The following APOH variants were observed in gnomAD, a reference collection of about 807,000 sequenced individuals.
The protein encoded by APOH is apolipoprotein H.
Under a neutral mutation model 39.8 loss-of-function variants are expected in APOH, and 48 were observed. That is an observed-to-expected ratio of 1.21 (90% CI 0.96 to 1.54). APOH has a LOEUF of 1.54. Ranked by LOEUF, APOH falls within the 40% of genes most tolerant of loss-of-function variation. The probability of loss-of-function intolerance (pLI) is 0.00; values close to 1 mark genes in which losing one functional copy is unlikely to be tolerated. For missense variants in APOH, 415 were observed against 421.2 expected, an observed-to-expected ratio of 0.99 and a Z score of 0.13; for synonymous variants, 153 against 151.1, an observed-to-expected ratio of 1.01 and a Z score of -0.09.
chr17:66,219,195 T>C lies in APOH; in HGVS notation c.604+1359A>G, dbSNP rs2073382964. ...TATCGTTGTTGTTATGTTATTAGAA[T>C]GGTTTGGATTATTATTGTTAATAAT... On this transcript the variant is annotated intron_variant, in intron 5 of 7. Transcript: ENST00000205948. Among the ~76,000 whole-genome samples, 2 of 152,144 alleles carry C rather than the reference T, an allele frequency of 1.3e-5. 1 individual carries two copies. Among genetic ancestry groups the C allele is most frequent in the South Asian group, 4.1e-4 (2 of 4,824 alleles).
chr17:66,217,353 C>CCG (rs905390472), intron 5 of APOH, among the ~76,000 whole-genome samples: 1 of 145,182 alleles, frequency 6.9e-6, no homozygotes, highest in Non-Finnish European at 1.5e-5. Context: ...AACCCCCCCC[C>CCG]CCATTCACAC....
chr17:66,217,068 T>A (rs2073370208), intron 5 of APOH, 101 bp from the exon 6 acceptor site: 1 of 984,574 alleles, frequency 1.0e-6, no homozygotes, highest in African/African-American at 1.7e-5. Flanking sequence ...TGAATCACTG[T>A]GTGTTCCTGT....
Position 66,223,737 on chromosome 17 carries a change from C to T in APOH, c.376G>A (p.Glu126Lys). 1.2e-6 allele frequency: 2 copies of T among 1,614,224 alleles called. No homozygotes were observed. The highest frequency in any genetic ancestry group is 1.7e-6 in the Non-Finnish European group (2 of 1,180,042). The change falls in exon 4 of 8, where the codon GAG (glutamate) becomes AAG (lysine). Residue 126 changes from glutamate to lysine, a missense_variant. Glu to Lys is a moderately conservative substitution (Grantham distance 56). Around this residue, in one of 3 missense-constraint regions of APOH, gnomAD observed 288 missense variants for 284.9 expected, o/e 1.01. Transcript: ENST00000205948. ...LNGADSAKCT[E>K]EGKWSPELPV... ...AGCTCCGGGCTCCATTTTCCTTCCT[C>T]AGTGCACTTGGCAGAATCAGCGCCA...
chr17:66,223,740 T>C lies in APOH; in HGVS notation c.373A>G (p.Thr125Ala), dbSNP rs2073417583. 1 of 1,614,184 alleles carries C rather than the reference T, an allele frequency of 6.2e-7. No individual in the cohort carries two copies. The highest frequency in any genetic ancestry group is 8.5e-7 in the Non-Finnish European group (1 of 1,180,016). ...TCCGGGCTCCATTTTCCTTCCTCAG[T>C]GCACTTGGCAGAATCAGCGCCATTC... ...YLNGADSAKC[T>A]EEGKWSPELP... Residue 125 changes from threonine (T) to alanine (A), a missense_variant, in exon 4 of 8, where the codon ACT becomes GCT. Thr to Ala is a moderately conservative substitution (Grantham distance 58). This residue lies in a region of APOH where 288 missense variants were observed against 284.9 expected (regional missense o/e 1.01). Transcript: ENST00000205948.
chr17:66,215,721 T>C (rs1363416546), intron 6 of APOH, among the ~76,000 whole-genome samples: 1 of 152,078 alleles, frequency 6.6e-6, no homozygotes, highest in Non-Finnish European at 1.5e-5. Context: ...GACACCTAAC[T>C]CAAAAGGAAC....
intron 7 of APOH, among the ~76,000 whole-genome samples, chr17:66,213,629 G>A (rs1436677588): frequency 6.6e-6 from 1 of 152,120 alleles, no homozygotes; most frequent in Non-Finnish European, 1.5e-5. Context: ...CCACAACCCT[G>A]AGTTTTACAG....
intron 1 of APOH, chr17:66,228,745 G>T (rs944961600): frequency 2.0e-5 from 3 of 149,998 alleles, no homozygotes; most frequent in African/African-American, 7.4e-5. Flanking sequence ...AGCTTGCAGT[G>T]AGCCGAGATC....
intron 1 of APOH, among the ~76,000 whole-genome samples, chr17:66,228,812 A>C (rs2073455603): frequency 6.6e-6 from 1 of 151,576 alleles, no homozygotes; most frequent in Non-Finnish European, 1.5e-5. Context: ...AAAAAAAAAA[A>C]AAGAATTTAA....
rs1305680952 is a variant in APOH at position 66,214,590 on chromosome 17, A to G, written c.845T>C (p.Ile282Thr). 2.5e-6 allele frequency: 4 copies of G among 1,613,868 alleles called. No individual in the cohort carries two copies. The highest frequency in any genetic ancestry group is 3.3e-5 in the Admixed American group (2 of 59,970). Residue 282 changes from isoleucine (I) to threonine (T), a missense_variant, in exon 7 of 8, where the codon ATT (isoleucine) becomes ACT (threonine). Physicochemically the swap from Ile to Thr is moderately conservative, Grantham distance 89 (BLOSUM62 -1). This residue lies in a region of APOH where 120 missense variants were observed against 110.6 expected (regional missense o/e 1.08). Coordinates refer to ENST00000205948, the MANE Select transcript of APOH (RefSeq NM_000042.3). ...CATTCCATTCTTAAATTTTTCCTGAATCTTTACTCTCTCTCCTTGGTACAC... is the reference window on the plus strand; with the variant it reads ...CATTCCATTCTTAAATTTTTCCTGAGTCTTTACTCTCTCTCCTTGGTACAC... ...TVVYQGERVK[I>T]QEKFKNGMLH...
At chr17:66,223,823 G>A (rs773707789) in intron 3 of APOH, 49 bp from the exon 4 acceptor site, 12 of 1,492,874 alleles carry the variant, frequency 8.0e-6, no homozygotes, top group African/African-American at 6.9e-5. Flanking sequence ...ATCCATCACT[G>A]ACATCTCAAA....
At chr17:66,223,503 T>C (rs1379125199) in intron 4 of APOH, among the ~76,000 whole-genome samples, 195 bp downstream of exon 4, 3 of 152,150 alleles carry the variant, frequency 2.0e-5, no homozygotes, top group East Asian at 1.9e-4. Context: ...TGTCCGTGAG[T>C]AAAATGCTTC....
chr17:66,224,771 AG>A (rs1238652425), intron 3 of APOH, among the ~76,000 whole-genome samples: 1 of 149,748 alleles, frequency 6.7e-6, no homozygotes, highest in African/African-American at 2.5e-5. Flanking sequence ...AGGAAAGGAA[AG>A]GAAAGGAAAG....
At chr17:66,219,599 T>C (rs1358342560) in intron 5 of APOH, among the ~76,000 whole-genome samples, 1 of 152,188 alleles carries the variant, frequency 6.6e-6, no homozygotes, top group Admixed American at 6.5e-5. Context: ...CTGTAATATC[T>C]ACCACTGGAG....
At position 66,228,038 on chromosome 17, in the gene APOH, T is replaced by C. The variant is rs752710676; in HGVS notation, c.223A>G (p.Asn75Asp). 4 of 1,613,906 alleles carry C rather than the reference T, an allele frequency of 2.5e-6. 1 individual carries two copies. The South Asian group carries it at 4.4e-5, about 18-fold the overall frequency. ...GACTTACGTGTACATTTCAGAGTGTTGATGGGCCACAGTCCTGTGAGAGGG... is the reference window on the plus strand; with the variant it reads ...GACTTACGTGTACATTTCAGAGTGTCGATGGGCCACAGTCCTGTGAGAGGG... ...ICPLTGLWPI[N>D]TLKCTPRVCP... The change falls in exon 2 of 8, where the codon AAC becomes GAC. Residue 75 changes from asparagine (N) to aspartate (D), a missense_variant. Physicochemically the swap from Asn to Asp is conservative, Grantham distance 23 (BLOSUM62 1). This residue lies in a region of APOH where 288 missense variants were observed against 284.9 expected (regional missense o/e 1.01). Transcript: ENST00000205948.
At chr17:66,213,251 C>T (rs1425410211) in intron 7 of APOH, among the ~76,000 whole-genome samples, 1 of 152,240 alleles carries the variant, frequency 6.6e-6, no homozygotes, top group Non-Finnish European at 1.5e-5. Flanking sequence ...TACTTTCTGG[C>T]ATCAGAGACA....
At chr17:66,212,943 C>T (rs1415604978) in intron 7 of APOH, among the ~76,000 whole-genome samples, 2 of 152,162 alleles carry the variant, frequency 1.3e-5, no homozygotes, top group African/African-American at 4.8e-5. Context: ...CTCACCAGGG[C>T]TCTGCTGTCT....
At chr17:66,225,893 A>G in intron 3 of APOH, 135 bp downstream of exon 3, 1 of 540,958 alleles carries the variant, frequency 1.8e-6, no homozygotes, top group Non-Finnish European at 3.2e-6. Context: ...AAAAAAAAGC[A>G]GGACTAAAAT....
chr17:66,213,885 A>T (rs1363344089), intron 7 of APOH, among the ~76,000 whole-genome samples: 3 of 151,910 alleles, frequency 2.0e-5, no homozygotes, highest in East Asian at 3.9e-4. Flanking sequence ...CTGCAATGAG[A>T]TGTGATCGCA....
At position 66,217,002 on chromosome 17, in the gene APOH, A is replaced by C; in HGVS notation, c.605-35T>G. On this transcript the variant is annotated intron_variant, in intron 5 of 7. Coordinates refer to ENST00000205948, the MANE Select transcript of APOH (RefSeq NM_000042.3). ...TTATTCAATAAGACATATTAGTAAT[A>C]AATAGTGCTATCCAATAGTCATGAA... The C allele has an allele frequency of 3.3e-6, 5 of 1,509,108 alleles. No individual in the cohort carries two copies. The South Asian group carries it at 6.6e-5, about 20-fold the overall frequency. The allele number at this position is 1,509,108 out of a possible 1,614,324, so 93.5% of individuals were successfully genotyped here.
Sources: gnomAD v4.1 joint callset for allele counts (sites outside exome capture counted in the v4.1 genomes callset) on GRCh38, gnomAD v4.1.1 for gene constraint, gnomAD v4.1.1 regional missense constraint, MANE v1.5 for transcripts, NCBI Gene and HGNC (gene_info 2026-07-23, HGNC 2026-07-21) for gene names.